Variants in ADARB2 observed in about 807,000 individuals in gnomAD.
ADARB2 encodes inactive double-stranded RNA-specific editase B2.
Under a neutral mutation model 62.2 loss-of-function variants are expected in ADARB2, and 25 were observed. The ratio of observed to expected loss-of-function variants is 0.40; its 90% CI spans 0.29 to 0.56. The LOEUF is 0.56. Among genes scored for constraint, ADARB2 ranks in the 20% least tolerant of loss-of-function variants. The pLI, the probability that ADARB2 is intolerant of heterozygous loss-of-function variation, is 0.43. For synonymous variants in ADARB2, 572 were observed against 500.8 expected (o/e 1.14, Z -1.90); for missense variants, 1,071 against 1,077.4 (o/e 0.99, Z 0.08).
At chr10:1,445,024 C>A (rs1398890746) in intron 1 of ADARB2, among the ~76,000 whole-genome samples, 1 of 151,228 alleles carries the variant, frequency 6.6e-6, no homozygotes. Context: ...ATCCACTCAC[C>A]CATCCATTCA....
chr10:1,551,910 G>A lies in ADARB2; in HGVS notation c.101-172750C>T, dbSNP rs1330888537. On this transcript the variant is annotated intron_variant, in intron 1 of 9. Coordinates refer to ENST00000381312, the MANE Select transcript of ADARB2 (RefSeq NM_018702.4). ...AAGGCAGACAGAATGGGACTGACTG[G>A]CCTTTATACTGCAGACATGGAGTCC... 2.0e-5 allele frequency among the ~76,000 whole-genome samples: 3 copies of A among 152,240 alleles called. No individual in the cohort carries two copies. In the East Asian group the frequency reaches 5.8e-4, roughly 29 times the overall value.
intron 1 of ADARB2, among the ~76,000 whole-genome samples, chr10:1,394,414 G>T (rs914707445): frequency 1.8e-4 from 27 of 152,128 alleles, no homozygotes; most frequent in Non-Finnish European, 3.2e-4. Context: ...TTCTCTAGAG[G>T]GTCCCTCCTG....
chr10:1,331,379 GATAA>G (rs1398680098), intron 3 of ADARB2, among the ~76,000 whole-genome samples: 4 of 152,182 alleles, frequency 2.6e-5, no homozygotes, highest in East Asian at 1.9e-4. Flanking sequence ...CTGACAAATG[GATAA>G]ATGAGATTCT....
intron 8 of ADARB2, among the ~76,000 whole-genome samples, chr10:1,187,011 G>C (rs1208468429): frequency 6.6e-6 from 1 of 152,222 alleles, no homozygotes; most frequent in Non-Finnish European, 1.5e-5. Context: ...CTTCATCCAC[G>C]AGCCTGAGCT....
chr10:1,489,055 C>T (rs942303642), intron 1 of ADARB2, among the ~76,000 whole-genome samples: 1 of 152,236 alleles, frequency 6.6e-6, no homozygotes, highest in Non-Finnish European at 1.5e-5. Context: ...CTGCGCACCT[C>T]GGATCAGTGA....
intron 3 of ADARB2, among the ~76,000 whole-genome samples, chr10:1,280,110 C>T (rs542005275): frequency 9.2e-5 from 14 of 152,230 alleles, no homozygotes; most frequent in South Asian, 8.3e-4. Context: ...GCTCACTCTC[C>T]GGTGTCACCT....
At chr10:1,384,194 G>A (rs1362674491) in intron 1 of ADARB2, among the ~76,000 whole-genome samples, 3 of 152,198 alleles carry the variant, frequency 2.0e-5, no homozygotes, top group Non-Finnish European at 4.4e-5. Flanking sequence ...GATAGACGGT[G>A]CAGAGGAACA....
At chr10:1,671,812 C>T (rs72766750) in intron 1 of ADARB2, among the ~76,000 whole-genome samples, 40,367 of 151,626 alleles carry the variant, frequency 0.27, 6,248 homozygotes, top group East Asian at 0.42. Context: ...ACACTGACAC[C>T]ACGTCGCACC....
chr10:1,549,548 G>A (rs1438679101), intron 1 of ADARB2, among the ~76,000 whole-genome samples: 1 of 151,982 alleles, frequency 6.6e-6, no homozygotes, highest in Non-Finnish European at 1.5e-5. Flanking sequence ...AAGAGAAGAC[G>A]CTGCCTCCTT....
intron 1 of ADARB2, among the ~76,000 whole-genome samples, chr10:1,725,322 C>G (rs1835150100): frequency 1.3e-5 from 2 of 152,182 alleles, no homozygotes; most frequent in Non-Finnish European, 2.9e-5. Context: ...ACACGCGGTT[C>G]TATTTATTTC....
intron 8 of ADARB2, among the ~76,000 whole-genome samples, chr10:1,190,024 C>A (rs1354767310): frequency 6.6e-6 from 1 of 152,116 alleles, no homozygotes; most frequent in Non-Finnish European, 1.5e-5. Flanking sequence ...AAGGTGCCAA[C>A]AGACCTGTGG....
chr10:1,187,654 C>T (rs1415922326), intron 8 of ADARB2, among the ~76,000 whole-genome samples: 2 of 152,236 alleles, frequency 1.3e-5, no homozygotes, highest in Admixed American at 6.5e-5. Flanking sequence ...GGTTTCCTCC[C>T]AACGCTCCTG....
At chr10:1,481,518 C>T (rs1831470001) in intron 1 of ADARB2, among the ~76,000 whole-genome samples, 1 of 152,156 alleles carries the variant, frequency 6.6e-6, no homozygotes, top group South Asian at 2.1e-4. Flanking sequence ...TAGAAACCCA[C>T]AGAGTGGGAG....
intron 1 of ADARB2, among the ~76,000 whole-genome samples, chr10:1,519,844 C>A (rs1431722171): frequency 2.0e-5 from 3 of 152,122 alleles, no homozygotes; most frequent in Non-Finnish European, 4.4e-5. Context: ...CTGCATGGAT[C>A]TTGTAACTCT....
chr10:1,388,914 C>T (rs529941938), intron 1 of ADARB2, among the ~76,000 whole-genome samples: 1 of 152,174 alleles, frequency 6.6e-6, no homozygotes, highest in African/African-American at 2.4e-5. Context: ...ATTGATACTG[C>T]AGAACAAATA....
intron 4 of ADARB2, among the ~76,000 whole-genome samples, chr10:1,262,974 C>A (rs774671490): frequency 1.3e-5 from 2 of 151,946 alleles, no homozygotes; most frequent in East Asian, 1.9e-4. Context: ...AGTCTATGTC[C>A]TTTGTAGGGA....
At chr10:1,564,024 C>T (rs1832825216) in intron 1 of ADARB2, among the ~76,000 whole-genome samples, 1 of 150,962 alleles carries the variant, frequency 6.6e-6, no homozygotes, top group Middle Eastern at 3.2e-3. Context: ...TTAATCCAGT[C>T]TATCATTGTT....
chr10:1,461,130 A>T (rs746821226), intron 1 of ADARB2, among the ~76,000 whole-genome samples: 1 of 152,256 alleles, frequency 6.6e-6, no homozygotes, highest in Non-Finnish European at 1.5e-5. Flanking sequence ...CGCCAGGGAC[A>T]GCAACAGAAG....
At chr10:1,274,640 G>A (rs924346676) in intron 3 of ADARB2, among the ~76,000 whole-genome samples, 1 of 152,162 alleles carries the variant, frequency 6.6e-6, no homozygotes, top group Non-Finnish European at 1.5e-5. Flanking sequence ...GGAAACCTAG[G>A]GAGTGCTCTG....
Sources: allele counts gnomAD v4.1 joint callset (sites outside exome capture counted in the v4.1 genomes callset), GRCh38; gene constraint gnomAD v4.1.1; transcripts MANE v1.5; gene names NCBI Gene and HGNC (gene_info 2026-07-23, HGNC 2026-07-21).